DYM: variants seen among roughly 807,000 people sequenced by gnomAD.
DYM encodes the protein dymeclin, also known as dyggve-Melchior-Clausen syndrome protein.
A neutral mutation model predicts 93.1 loss-of-function variants in DYM; 78 were observed. The observed-to-expected ratio is 0.84, with a 90% CI of 0.70 to 1.01. The LOEUF is 1.01. Among genes scored for constraint, DYM ranks in the 50% least tolerant of loss-of-function variants. The pLI, the probability that DYM is intolerant of heterozygous loss-of-function variation, is 0.00. For synonymous variants in DYM, 321 were observed against 319.7 expected, an observed-to-expected ratio of 1.00 and a Z score of -0.04; for missense variants, 789 against 845.0, an observed-to-expected ratio of 0.93 and a Z score of 0.82.
intron 1 of DYM, among the ~76,000 whole-genome samples, chr18:49,440,128 T>G (rs1486879590): frequency 7.1e-6 from 1 of 141,102 alleles, no homozygotes; most frequent in Non-Finnish European, 1.6e-5. Flanking sequence ...CTCTTTTATG[T>G]GTACTGACTA....
chr18:49,105,312 G>A (rs1406941906), intron 16 of DYM, among the ~76,000 whole-genome samples: 2 of 151,938 alleles, frequency 1.3e-5, no homozygotes, highest in African/African-American at 2.4e-5. Context: ...TTCTTTATTA[G>A]TCTTGCTAGC....
intron 8 of DYM, among the ~76,000 whole-genome samples, chr18:49,310,581 C>T (rs923991074): frequency 1.4e-4 from 22 of 151,986 alleles, no homozygotes; most frequent in Non-Finnish European, 2.5e-4. Context: ...TTATGTGTGG[C>T]CAAAAGAATT....
chr18:49,074,160 G>C (rs903829685), intron 17 of DYM, among the ~76,000 whole-genome samples: 1 of 152,160 alleles, frequency 6.6e-6, no homozygotes, highest in Admixed American at 6.5e-5. Context: ...CATAGGTTTC[G>C]CATCCCTGGA....
At chr18:49,351,699 A>G (rs924154273) in intron 6 of DYM, among the ~76,000 whole-genome samples, 5 of 152,214 alleles carry the variant, frequency 3.3e-5, no homozygotes, top group Non-Finnish European at 7.3e-5. Flanking sequence ...TCTAGGGAAT[A>G]CTGATTATCA....
At chr18:49,423,363 C>CA (rs1361126689) in intron 2 of DYM, among the ~76,000 whole-genome samples, 1 of 152,106 alleles carries the variant, frequency 6.6e-6, no homozygotes, top group East Asian at 1.9e-4. Flanking sequence ...AAAGACACAA[C>CA]ATACCAGAAT....
chr18:49,174,002 C>A (rs1000079261), intron 14 of DYM, among the ~76,000 whole-genome samples: 1 of 152,070 alleles, frequency 6.6e-6, no homozygotes, highest in African/African-American at 2.4e-5. Flanking sequence ...TGCTCTTTGT[C>A]AGGTTGAAGA....
intron 13 of DYM, among the ~76,000 whole-genome samples, chr18:49,252,766 G>C (rs1202329089): frequency 2.0e-5 from 3 of 152,194 alleles, no homozygotes; most frequent in Non-Finnish European, 4.4e-5. Context: ...AGGGACATGA[G>C]AGACAATAAG....
At chr18:49,251,042 T>G (rs1335346910) in intron 13 of DYM, among the ~76,000 whole-genome samples, 2 of 152,314 alleles carry the variant, frequency 1.3e-5, no homozygotes, top group East Asian at 3.9e-4. Context: ...ACCCACTAGA[T>G]GTCAGTAGCA....
At chr18:49,249,762 G>A (rs78861129) in intron 13 of DYM, among the ~76,000 whole-genome samples, 2,279 of 152,240 alleles carry the variant, frequency 0.015, 24 homozygotes, top group South Asian at 0.062. Context: ...ACTACTACAC[G>A]GAAGTTGCAC....
At chr18:49,460,065 AAAG>A (rs1397254846) in intron 1 of DYM, among the ~76,000 whole-genome samples, 1 of 152,186 alleles carries the variant, frequency 6.6e-6, no homozygotes, top group Non-Finnish European at 1.5e-5. Flanking sequence ...ATGAATGTAA[AAAG>A]AAGAAAGAAA....
intron 2 of DYM, among the ~76,000 whole-genome samples, chr18:49,420,588 A>G (rs1357354050): frequency 1.3e-5 from 2 of 152,204 alleles, no homozygotes; most frequent in Non-Finnish European, 2.9e-5. Context: ...AGCTCCCAGC[A>G]TGAGCAACAC....
chr18:49,320,077 A>G (rs1222013011), intron 8 of DYM, among the ~76,000 whole-genome samples: 4 of 152,228 alleles, frequency 2.6e-5, no homozygotes, highest in South Asian at 2.1e-4. Context: ...GAGAAATTAC[A>G]TAACTTTCCC....
intron 1 of DYM, among the ~76,000 whole-genome samples, chr18:49,441,328 A>T (rs1191505353): frequency 2.0e-4 from 13 of 66,238 alleles, no homozygotes; most frequent in East Asian, 6.5e-4. Flanking sequence ...AATTATATAT[A>T]ATATAATTAT....
At chr18:49,050,492 T>C (rs962150254) in intron 17 of DYM, among the ~76,000 whole-genome samples, 8 of 152,292 alleles carry the variant, frequency 5.3e-5, no homozygotes, top group Admixed American at 3.9e-4. Flanking sequence ...TTCTGCAATG[T>C]ATGTGACCTA....
At chr18:49,128,166 G>C (rs2083008747) in intron 15 of DYM, among the ~76,000 whole-genome samples, 1 of 152,196 alleles carries the variant, frequency 6.6e-6, no homozygotes, top group South Asian at 2.1e-4. Flanking sequence ...TGTTCTGATT[G>C]AAATCCAGCA....
intron 17 of DYM, among the ~76,000 whole-genome samples, chr18:49,069,944 G>A (rs1242805236): frequency 6.6e-6 from 1 of 152,232 alleles, no homozygotes; most frequent in Non-Finnish European, 1.5e-5. Context: ...GGGAGGCTGA[G>A]GCAGGAGAAT....
chr18:49,401,266 A>G (rs566595263), intron 2 of DYM, among the ~76,000 whole-genome samples: 1 of 152,316 alleles, frequency 6.6e-6, no homozygotes, highest in East Asian at 1.9e-4. Context: ...CTCAACAACC[A>G]TACTGATCCA....
intron 1 of DYM, among the ~76,000 whole-genome samples, chr18:49,459,710 C>G (rs2083311115): frequency 6.6e-6 from 1 of 152,198 alleles, no homozygotes; most frequent in Admixed American, 6.5e-5. Context: ...TTCTCTACCC[C>G]TGTTCAGTAG....
chr18:49,262,810 C>T (rs2094510582), intron 11 of DYM, among the ~76,000 whole-genome samples: 1 of 151,312 alleles, frequency 6.6e-6, no homozygotes, highest in African/African-American at 2.4e-5. Context: ...TTCCTTGTAA[C>T]CACTCTAGAG....
Sources: allele counts gnomAD v4.1 joint callset (sites outside exome capture counted in the v4.1 genomes callset), GRCh38; gene constraint gnomAD v4.1.1; transcripts MANE v1.5; gene names NCBI Gene and HGNC (gene_info 2026-07-23, HGNC 2026-07-21).